Variants in CUX1 observed in about 807,000 individuals in gnomAD.
The protein encoded by CUX1 is cut like homeobox 1, also known as protein CASP.
Under a neutral mutation model 158.8 loss-of-function variants are expected in CUX1, and 31 were observed. The observed-to-expected ratio is 0.20, with a 90% confidence interval of 0.15 to 0.26. The LOEUF (loss-of-function observed/expected upper bound fraction) is 0.26. Among genes scored for constraint, CUX1 ranks in the 10% least tolerant of loss-of-function variants. The probability of loss-of-function intolerance (pLI) is 1.00; values close to 1 mark genes in which losing one functional copy is unlikely to be tolerated. For missense variants in CUX1, 1,589 were observed against 2,014.6 expected (o/e 0.79, Z 4.04); for synonymous variants, 879 against 862.1 (o/e 1.02, Z -0.34).
chr7:102,270,040 G>A (rs532555413), intron 14 of CUX1, among the ~76,000 whole-genome samples: 1 of 152,326 alleles, frequency 6.6e-6, no homozygotes, highest in Non-Finnish European at 1.5e-5. Flanking sequence ...ACAGCGATGG[G>A]GTCCACAGCT....
Position 102,230,734 on chromosome 7 carries a change from CA to C in CUX1, c.3433+3066del, listed in dbSNP as rs550215578. The stretch of plus-strand genomic sequence containing the variant: ...AAAAAATGGCTAATTCCCATATGTT[CA>C]TCAGTTATTGAATCATGCAGGGATT... On this transcript the variant is annotated intron_variant, in intron 21 of 23. Transcript: ENST00000292535. 2.8e-3 allele frequency among the ~76,000 whole-genome samples: 430 copies of C among 152,246 alleles called. 3 individuals are homozygous for C. Among genetic ancestry groups the C allele is most frequent in the Non-Finnish European group, 4.9e-3 (331 of 68,024 alleles).
At chr7:102,081,539 C>G (rs1178113064) in intron 4 of CUX1, among the ~76,000 whole-genome samples, 1 of 147,294 alleles carries the variant, frequency 6.8e-6, no homozygotes, top group Non-Finnish European at 1.5e-5. Context: ...TTCTCCTTCA[C>G]CTTCCGCCAC....
At chr7:102,262,642 C>A (rs1305892553), downstream of CUX1, among the ~76,000 whole-genome samples, 1 of 152,168 alleles carries the variant, frequency 6.6e-6, no homozygotes, top group Non-Finnish European at 1.5e-5. Flanking sequence ...ACACACATGG[C>A]CTCTGGGTTT....
chr7:101,817,480 C>G (rs1259012514), upstream of CUX1: 29 of 1,091,716 alleles, frequency 2.7e-5, no homozygotes, highest in Non-Finnish European at 3.2e-5. This position sits in a 1 kb window ranked among gnomAD's most constrained non-coding sequence, Gnocchi z 4.1. Flanking sequence ...GGGACCGTGC[C>G]GGGGCTCCCC....
intron 3 of CUX1, 138 bp downstream of exon 3, chr7:102,028,283 C>G (rs2129333416): frequency 1.2e-6 from 1 of 806,236 alleles, no homozygotes; most frequent in Non-Finnish European, 2.0e-6. Flanking sequence ...CAGCGTCATG[C>G]AGATTTTGCG....
intron 21 of CUX1, among the ~76,000 whole-genome samples, chr7:102,228,643 G>A (rs377187801): frequency 3.3e-5 from 5 of 152,116 alleles, no homozygotes; most frequent in East Asian, 3.9e-4. Context: ...TACAAAAAAT[G>A]TAAAAATTAG....
At chr7:102,070,140 A>G (rs373965973) in intron 3 of CUX1, among the ~76,000 whole-genome samples, 199 bp from the exon 4 acceptor site, 7 of 152,084 alleles carry the variant, frequency 4.6e-5, no homozygotes, top group African/African-American at 1.7e-4. Context: ...CCATACTCCC[A>G]AATCTCTGCT....
At chr7:101,864,114 AG>A (rs1797724370) in intron 1 of CUX1, among the ~76,000 whole-genome samples, 1 of 151,406 alleles carries the variant, frequency 6.6e-6, no homozygotes, top group Non-Finnish European at 1.5e-5. Flanking sequence ...ATGGTGCACA[AG>A]GGTTCCAATT....
intron 10 of CUX1, among the ~76,000 whole-genome samples, chr7:102,174,671 C>T (rs996755520): frequency 1.1e-4 from 17 of 152,160 alleles, no homozygotes; most frequent in African/African-American, 3.9e-4. Context: ...ATGGGCCAGG[C>T]GCAGTGGCTC....
At chr7:101,939,390 T>G (rs1272846626) in intron 2 of CUX1, among the ~76,000 whole-genome samples, 3 of 152,022 alleles carry the variant, frequency 2.0e-5, no homozygotes, top group Admixed American at 6.6e-5. Flanking sequence ...TTAAGGCTGG[T>G]CAGGCAGTGC....
chr7:102,114,680 C>A (rs577256383), intron 7 of CUX1, among the ~76,000 whole-genome samples: 11 of 152,306 alleles, frequency 7.2e-5, no homozygotes, highest in Admixed American at 6.5e-4. Flanking sequence ...GAGTTCCAGA[C>A]CAGCCTGGGC....
Position 102,252,960 on chromosome 7 carries a change from ACT to A in CUX1, c.*3923_*3924del, listed in dbSNP as rs1319277031. 8.1e-6 allele frequency: 8 copies of A among 985,192 alleles called. No individual in the cohort carries two copies. Among genetic ancestry groups the A allele is most frequent in the Admixed American group, 6.2e-5 (1 of 16,246 alleles). 61.0% of individuals were successfully genotyped at this position (985,192 alleles called of 1,614,324 possible). On this transcript the variant is annotated 3_prime_UTR_variant, in exon 24 of 24. Coordinates refer to ENST00000292535, the MANE Select transcript of CUX1 (RefSeq NM_181552.4). ...AGCCCAGGGATGCATGCATGGGAGA[ACT>A]CTCTGAGAAATGCCAGGATCGTGGC...
intron 2 of CUX1, among the ~76,000 whole-genome samples, chr7:101,924,595 T>TGTGGCCCAG (rs1214413744): frequency 1.3e-5 from 2 of 151,778 alleles, no homozygotes; most frequent in African/African-American, 2.4e-5. Flanking sequence ...AGACAGGGTC[T>TGTGGCCCAG]TGCTCTGTGG....
intron 2 of CUX1, among the ~76,000 whole-genome samples, chr7:101,996,005 G>A (rs1048573722): frequency 6.6e-6 from 1 of 151,998 alleles, no homozygotes; most frequent in African/African-American, 2.4e-5. Context: ...CCAGCTACTC[G>A]GGAGGCTGAG....
Position 102,216,608 on chromosome 7 carries a change from A to ACT in CUX1, c.3131-10758_3131-10757insTC, listed in dbSNP as rs782157499. On this transcript the variant is annotated intron_variant, in intron 20 of 23. Coordinates refer to ENST00000292535, the MANE Select transcript of CUX1 (RefSeq NM_181552.4). The stretch of plus-strand genomic sequence containing the variant: ...CCCACACACACACTCCCACACACAC[A>ACT]CACACACTCCCCACACACACACCCC... 5.2e-3 allele frequency among the ~76,000 whole-genome samples: 353 copies of ACT among 67,736 alleles called. 6 individuals are homozygous for ACT. Among genetic ancestry groups the ACT allele is most frequent in the African/African-American group, 7.7e-3 (145 of 18,938 alleles). 44.4% of individuals were successfully genotyped at this position (67,736 alleles called of 152,430 possible).
At chr7:102,205,386 G>A (rs1650782052) in intron 20 of CUX1, among the ~76,000 whole-genome samples, 1 of 152,196 alleles carries the variant, frequency 6.6e-6, no homozygotes, top group Non-Finnish European at 1.5e-5. Flanking sequence ...GCCAAGATTT[G>A]CACGCCCACT....
intron 8 of CUX1, among the ~76,000 whole-genome samples, chr7:102,142,275 G>A (rs1277747497): frequency 6.6e-6 from 1 of 152,170 alleles, no homozygotes; most frequent in African/African-American, 2.4e-5. Context: ...GCTCACAGGT[G>A]AAGTAAACCA....
At chr7:102,104,299 T>C in intron 5 of CUX1, 37 bp from the exon 6 acceptor site, 1 of 1,567,662 alleles carries the variant, frequency 6.4e-7, no homozygotes, top group Non-Finnish European at 8.6e-7. Context: ...AATTGTATGC[T>C]TCTCTTACTG....
chr7:101,971,179 T>G (rs181080220), intron 2 of CUX1, among the ~76,000 whole-genome samples: 1 of 152,188 alleles, frequency 6.6e-6, no homozygotes, highest in Non-Finnish European at 1.5e-5. Flanking sequence ...TCATATTGAG[T>G]CTGGGTCGGT....
Sources: gnomAD v4.1 joint callset for allele counts (sites outside exome capture counted in the v4.1 genomes callset) on GRCh38, gnomAD v4.1.1 for gene constraint, Gnocchi (gnomAD v3.1) non-coding constraint, MANE v1.5 for transcripts, NCBI Gene and HGNC (gene_info 2026-07-23, HGNC 2026-07-21) for gene names.